CCDC3: variants seen among roughly 807,000 people sequenced by gnomAD.
The protein encoded by CCDC3 is coiled-coil domain-containing protein 3.
In CCDC3, 24 loss-of-function variants were observed where a neutral mutation model predicts 21.4. That is an observed-to-expected ratio of 1.12 (90% CI 0.81 to 1.58). The LOEUF (loss-of-function observed/expected upper bound fraction) is 1.58. CCDC3 is among the 40% of genes most tolerant of loss of function. The pLI, the probability that CCDC3 is intolerant of heterozygous loss-of-function variation, is 0.00. For missense variants in CCDC3, 425 were observed against 360.9 expected (o/e 1.18, Z -1.44); for synonymous variants, 186 against 166.0 (o/e 1.12, Z -0.93).
Position 13,001,272 on chromosome 10 carries a change from T to G in CCDC3, c.299A>C (p.Asn100Thr), listed in dbSNP as rs1424723265. 1 of 1,601,770 alleles carries G rather than the reference T, an allele frequency of 6.2e-7. No individual in the cohort carries two copies. Among genetic ancestry groups the G allele is most frequent in the South Asian group, 1.1e-5 (1 of 88,134 alleles). ...MLEVPAGSRLNLTGLGYFSCH... is the reference protein window; with the variant it reads ...MLEVPAGSRLTLTGLGYFSCH... The stretch of plus-strand genomic sequence containing the variant: ...CGAGAAGTAGCCCAGGCCGGTGAGG[T>G]TGAGCCTGGAGCCGGCGGGCACCTC... The change falls in exon 1 of 3, where the codon AAC (asparagine) becomes ACC (threonine). Residue 100 changes from asparagine to threonine, a missense_variant. Asn to Thr is a moderately conservative substitution (Grantham distance 65, BLOSUM62 0). Coordinates refer to ENST00000378825, the MANE Select transcript of CCDC3 (RefSeq NM_031455.4).
At chr10:12,936,768 C>T (rs1834745316) in intron 2 of CCDC3, among the ~76,000 whole-genome samples, 1 of 152,136 alleles carries the variant, frequency 6.6e-6, no homozygotes, top group Admixed American at 6.5e-5. Context: ...AAACTATTAG[C>T]CAGATATGGT....
At chr10:12,901,858 C>G (rs1308198743) in intron 2 of CCDC3, among the ~76,000 whole-genome samples, 1 of 152,220 alleles carries the variant, frequency 6.6e-6, no homozygotes, top group African/African-American at 2.4e-5. Context: ...TCCCACCCAG[C>G]TCTTCCTCCA....
intron 5 of CCDC3, among the ~76,000 whole-genome samples, chr10:13,029,636 A>G (rs2131410312): frequency 6.6e-6 from 1 of 152,320 alleles, no homozygotes; most frequent in South Asian, 2.1e-4. Flanking sequence ...CAGCATAGAG[A>G]AGACCCTAAA....
At chr10:12,922,305 G>A (rs1307889263) in intron 2 of CCDC3, among the ~76,000 whole-genome samples, 1 of 152,170 alleles carries the variant, frequency 6.6e-6, no homozygotes, top group Admixed American at 6.5e-5. Flanking sequence ...CTGCAGACCT[G>A]GGTGGGAGCT....
rs141908397 is a variant in CCDC3, at chr10:12,974,029, T to C, written c.549+24309A>G. Among the ~76,000 whole-genome samples the C allele has an allele frequency of 2.6e-5, 4 of 152,162 alleles. No individual in the cohort carries two copies. The East Asian group carries it at 5.8e-4, about 22-fold the overall frequency. On this transcript the variant is annotated intron_variant, in intron 2 of 2. Coordinates refer to ENST00000378825, the MANE Select transcript of CCDC3 (RefSeq NM_031455.4). ...CCAACAGCAAGAGAAGTACAAGCAC[T>C]CCAAGAACCAGGCAGCATTCCAGAA...
At position 12,931,207 on chromosome 10, in the gene CCDC3, T is replaced by A. The variant is rs1181832738; in HGVS notation, c.550-32528A>T. On this transcript the variant is annotated intron_variant, in intron 2 of 2. Transcript: ENST00000378825. Reference sequence around the variant, plus strand: ...GCCTGGGCCACAGAGCAAGACTCTGTCAAAAAAAAAAAAAAAAAAAAAAAA... The same window carrying A: ...GCCTGGGCCACAGAGCAAGACTCTGACAAAAAAAAAAAAAAAAAAAAAAAA... Among the ~76,000 whole-genome samples the A allele has an allele frequency of 1.3e-4, 3 of 22,920 alleles. No individual in the cohort carries two copies. In the South Asian group the frequency reaches 6.8e-3, roughly 52 times the overall value. The allele number at this position is 22,920 out of a possible 152,430, so 15.0% of individuals were successfully genotyped here. A position where few individuals can be genotyped will look rare whatever the true frequency, so the allele number is the denominator to read the frequency against.
chr10:12,963,492 GT>G (rs1450816583), intron 2 of CCDC3, among the ~76,000 whole-genome samples: 1 of 151,092 alleles, frequency 6.6e-6, no homozygotes, highest in Non-Finnish European at 1.5e-5. Flanking sequence ...TGTTCTATCT[GT>G]TCCTCATAAT....
chr10:13,004,051 A>G (rs1835897015), upstream of CCDC3, among the ~76,000 whole-genome samples: 1 of 152,192 alleles, frequency 6.6e-6, no homozygotes, highest in South Asian at 2.1e-4. Context: ...GCAGAGCTCA[A>G]GGTAGCCAGG....
chr10:13,029,519 C>T (rs532642008), intron 5 of CCDC3, among the ~76,000 whole-genome samples: 18 of 152,188 alleles, frequency 1.2e-4, no homozygotes, highest in Admixed American at 8.5e-4. Context: ...AGGCTTCAGA[C>T]GATCGGTAAT....
chr10:13,017,165 A>T (rs570725168), intron 5 of CCDC3, among the ~76,000 whole-genome samples: 65 of 152,184 alleles, frequency 4.3e-4, no homozygotes, highest in Non-Finnish European at 6.9e-4. Context: ...CACAGTAGGC[A>T]AAGTGGAAAC....
chr10:12,932,399 T>A (rs962073891), intron 2 of CCDC3, among the ~76,000 whole-genome samples: 1 of 150,996 alleles, frequency 6.6e-6, no homozygotes, highest in Non-Finnish European at 1.5e-5. Flanking sequence ...TTAAAAAGTA[T>A]AGACTATCTC....
intron 2 of CCDC3, among the ~76,000 whole-genome samples, chr10:12,959,381 T>C (rs1255164241): frequency 6.6e-6 from 1 of 152,132 alleles, no homozygotes. Flanking sequence ...TTGACCAGGC[T>C]GGTCTCGAAC....
chr10:13,089,164 C>G (rs1299458089), intron 3 of CCDC3, among the ~76,000 whole-genome samples: 1 of 152,116 alleles, frequency 6.6e-6, no homozygotes, highest in Admixed American at 6.5e-5. Flanking sequence ...TTAGAGCTTA[C>G]AGATAGTGGC....
intron 3 of CCDC3, among the ~76,000 whole-genome samples, chr10:13,098,329 T>C (rs575608517): frequency 6.6e-6 from 1 of 152,186 alleles, no homozygotes; most frequent in Non-Finnish European, 1.5e-5. Context: ...TTTTTGTTTT[T>C]GCTTGAGACA....
intron 2 of CCDC3, among the ~76,000 whole-genome samples, chr10:12,915,151 TATAAC>T (rs899151889): frequency 5.9e-5 from 9 of 152,182 alleles, no homozygotes; most frequent in Non-Finnish European, 1.2e-4. Context: ...CCAAAATCCT[TATAAC>T]AGGAAGAATT....
intron 2 of CCDC3, among the ~76,000 whole-genome samples, chr10:12,979,769 T>C (rs1021244257): frequency 6.6e-6 from 1 of 152,142 alleles, no homozygotes; most frequent in African/African-American, 2.4e-5. Flanking sequence ...AATAAACCGC[T>C]ACTGACTGAG....
chr10:13,002,548 G>A (rs914878097), upstream of CCDC3, among the ~76,000 whole-genome samples: 4 of 151,850 alleles, frequency 2.6e-5, no homozygotes, highest in African/African-American at 7.3e-5. Flanking sequence ...CTGCCACCCC[G>A]GATAATTTTT....
At chr10:13,013,104 T>C (rs1836003277) in intron 5 of CCDC3, among the ~76,000 whole-genome samples, 1 of 152,242 alleles carries the variant, frequency 6.6e-6, no homozygotes. Flanking sequence ...GTATTAAAAC[T>C]GCACTAAGTC....
At chr10:12,925,283 C>T (rs1834517928) in intron 2 of CCDC3, among the ~76,000 whole-genome samples, 1 of 152,014 alleles carries the variant, frequency 6.6e-6, no homozygotes, top group Non-Finnish European at 1.5e-5. Context: ...TGTTAAGGTC[C>T]CCAAACTGGG....
Sources: gnomAD v4.1 joint callset for allele counts (sites outside exome capture counted in the v4.1 genomes callset) on GRCh38, gnomAD v4.1.1 for gene constraint, MANE v1.5 for transcripts, NCBI Gene and HGNC (gene_info 2026-07-23, HGNC 2026-07-21) for gene names.